The following FBXW7 variants were observed in gnomAD, a reference collection of about 807,000 sequenced individuals.
The protein encoded by FBXW7 is F-box and WD repeat domain containing 7, also known as F-box/WD repeat-containing protein 7.
FBXW7 carries 11 observed loss-of-function variants against 86.3 expected under a neutral mutation model. The observed-to-expected ratio is 0.13, with a 90% confidence interval of 0.08 to 0.21. The LOEUF is 0.21. FBXW7 is among the 10% of genes least tolerant of loss of function. The pLI is 1.00. For synonymous variants in FBXW7, 313 were observed against 297.9 expected (o/e 1.05, Z -0.52); for missense variants, 488 against 847.4 (o/e 0.58, Z 5.27).
At chr4:152,416,070 C>T (rs1039245676) in intron 2 of FBXW7, among the ~76,000 whole-genome samples, 2 of 152,232 alleles carry the variant, frequency 1.3e-5, no homozygotes, top group South Asian at 4.1e-4. Flanking sequence ...GTACTATCTG[C>T]CTTCCCACAC....
intron 2 of FBXW7, among the ~76,000 whole-genome samples, chr4:152,529,226 T>C (rs1350784624): frequency 6.6e-6 from 1 of 152,046 alleles, no homozygotes; most frequent in Non-Finnish European, 1.5e-5. Flanking sequence ...TAAAATTACT[T>C]GAAAAGACAA....
At chr4:152,462,975 T>C (rs1384260679) in intron 2 of FBXW7, among the ~76,000 whole-genome samples, 1 of 151,452 alleles carries the variant, frequency 6.6e-6, no homozygotes, top group Non-Finnish European at 1.5e-5. Context: ...TTGTCTGGTA[T>C]ATTACTTGTA....
intron 4 of FBXW7, among the ~76,000 whole-genome samples, chr4:152,403,343 T>C (rs1737112701): frequency 6.6e-6 from 1 of 152,080 alleles, no homozygotes; most frequent in Non-Finnish European, 1.5e-5. Context: ...CTGGACGTGG[T>C]GGCAAACACC....
intron 4 of FBXW7, among the ~76,000 whole-genome samples, chr4:152,374,414 T>A (rs1405874181): frequency 6.6e-6 from 1 of 152,082 alleles, no homozygotes; most frequent in Non-Finnish European, 1.5e-5. Flanking sequence ...TCAAACTGTA[T>A]CTGAGTTTCG....
intron 4 of FBXW7, among the ~76,000 whole-genome samples, chr4:152,368,774 C>T (rs766490742): frequency 2.6e-5 from 4 of 152,040 alleles, no homozygotes; most frequent in South Asian, 2.1e-4. Flanking sequence ...TCTTATATAG[C>T]GATTTTAAAA....
chr4:152,365,677 T>A (rs956718550), intron 4 of FBXW7, among the ~76,000 whole-genome samples: 11 of 152,060 alleles, frequency 7.2e-5, no homozygotes, highest in Admixed American at 5.9e-4. Flanking sequence ...GGGCCAGGGG[T>A]GAGGAGGATC....
At chr4:152,374,154 A>C (rs959303952) in intron 4 of FBXW7, among the ~76,000 whole-genome samples, 2 of 151,988 alleles carry the variant, frequency 1.3e-5, no homozygotes, top group Non-Finnish European at 2.9e-5. Flanking sequence ...AAACAAACAA[A>C]AACAAAACAA....
chr4:152,498,311 A>G (rs1291668629), intron 2 of FBXW7, among the ~76,000 whole-genome samples: 1 of 152,186 alleles, frequency 6.6e-6, no homozygotes, highest in Non-Finnish European at 1.5e-5. Flanking sequence ...AAAACTCATA[A>G]AACATTAAGA....
chr4:152,323,260 G>C, intron 13 of FBXW7, 111 bp from the exon 14 acceptor site: 1 of 1,229,800 alleles, frequency 8.1e-7, no homozygotes, highest in Non-Finnish European at 1.1e-6. Context: ...TGCAACATTT[G>C]AAATGATACA....
At chr4:152,492,794 G>GT (rs1413928903) in intron 2 of FBXW7, among the ~76,000 whole-genome samples, 1 of 152,078 alleles carries the variant, frequency 6.6e-6, no homozygotes, top group African/African-American at 2.4e-5. Context: ...ACAAAGAATA[G>GT]TAAGGCTAAG....
chr4:152,333,157 A>G (rs1300628787), intron 7 of FBXW7, among the ~76,000 whole-genome samples: 1 of 152,176 alleles, frequency 6.6e-6, no homozygotes, highest in Non-Finnish European at 1.5e-5. Flanking sequence ...ACTCCAGATC[A>G]TTTTTGATAG....
chr4:152,417,730 C>A (rs754541670), intron 2 of FBXW7, among the ~76,000 whole-genome samples: 1 of 152,004 alleles, frequency 6.6e-6, no homozygotes, highest in African/African-American at 2.4e-5. Context: ...CACAGTGGTA[C>A]CCTACTCAGA....
intron 4 of FBXW7, among the ~76,000 whole-genome samples, chr4:152,406,041 T>C (rs2126858180): frequency 6.6e-6 from 1 of 152,304 alleles, no homozygotes; most frequent in Middle Eastern, 3.4e-3. Context: ...CATGATCTAT[T>C]CCTATGTCCT....
intron 4 of FBXW7, chr4:152,352,450 G>A (rs1411702878): frequency 2.5e-6 from 4 of 1,613,454 alleles, no homozygotes; most frequent in South Asian, 2.2e-5. Flanking sequence ...CATAGCATAG[G>A]AAGAAAACAG....
intron 2 of FBXW7, among the ~76,000 whole-genome samples, chr4:152,501,265 A>T (rs1358968985): frequency 7.2e-5 from 11 of 152,248 alleles, no homozygotes; most frequent in African/African-American, 2.4e-4. Flanking sequence ...CCATCTAAAT[A>T]GGCAAATTCT....
intron 4 of FBXW7, among the ~76,000 whole-genome samples, chr4:152,372,306 G>C (rs1734075312): frequency 6.6e-6 from 1 of 151,916 alleles, no homozygotes; most frequent in East Asian, 1.9e-4. Context: ...AGTTTTTTAT[G>C]AGTGGGTGAC....
chr4:152,422,987 C>T (rs940702462), intron 2 of FBXW7, among the ~76,000 whole-genome samples: 1 of 151,606 alleles, frequency 6.6e-6, no homozygotes, highest in African/African-American at 2.4e-5. Flanking sequence ...GTAGATTTGA[C>T]TGATTATTTA....
At chr4:152,394,182 C>T (rs897036458) in intron 4 of FBXW7, among the ~76,000 whole-genome samples, 1 of 152,028 alleles carries the variant, frequency 6.6e-6, no homozygotes, top group Non-Finnish European at 1.5e-5. Flanking sequence ...CATCTCTTCA[C>T]TGTGAAAAAC....
chr4:152,342,103 C>T (rs1730803253), intron 6 of FBXW7, among the ~76,000 whole-genome samples: 1 of 151,614 alleles, frequency 6.6e-6, no homozygotes, highest in Admixed American at 6.6e-5. Flanking sequence ...TGTTGGAACA[C>T]ATTGAAAGGG....
Sources: gnomAD v4.1 joint callset for allele counts (sites outside exome capture counted in the v4.1 genomes callset) on GRCh38, gnomAD v4.1.1 for gene constraint, MANE v1.5 for transcripts, NCBI Gene and HGNC (gene_info 2026-07-23, HGNC 2026-07-21) for gene names.